PBRM1: variants seen among roughly 807,000 people sequenced by gnomAD.
PBRM1 encodes protein polybromo-1.
A neutral mutation model predicts 194.5 loss-of-function variants in PBRM1; 27 were observed. That is an observed-to-expected ratio of 0.14 (90% CI 0.10 to 0.19). The LOEUF (loss-of-function observed/expected upper bound fraction) is 0.19, where lower values mean the gene tolerates loss of function less well. Ranked by LOEUF, PBRM1 falls within the 10% of genes least tolerant of loss-of-function variation. The pLI is 1.00. For missense variants in PBRM1, 1,466 were observed against 2,077.2 expected (o/e 0.71, Z 5.72); for synonymous variants, 655 against 693.2 (o/e 0.94, Z 0.87).
At chr3:52,559,929 A>C (rs1232026980) in intron 25 of PBRM1, among the ~76,000 whole-genome samples, 2 of 142,712 alleles carry the variant, frequency 1.4e-5, no homozygotes, top group Non-Finnish European at 3.0e-5. Flanking sequence ...AAAGTGGGAA[A>C]GCAAAAAAAT....
exon 9 of PBRM1, chr3:52,643,319 G>A (rs1560695431): frequency 6.2e-7 from 1 of 1,613,770 alleles, no homozygotes; most frequent in South Asian, 1.1e-5. Flanking sequence ...CTGTCAGTCT[G>A]GCTGCAGCCA....
At chr3:52,561,880 T>G in exon 25 of PBRM1, 1 of 1,614,130 alleles carries the variant, frequency 6.2e-7, no homozygotes, top group South Asian at 1.1e-5. Context: ...AGCCCTCATC[T>G]CACTGCTGAA....
chr3:52,570,140 C>A (rs1171595778), intron 22 of PBRM1, among the ~76,000 whole-genome samples: 1 of 152,134 alleles, frequency 6.6e-6, no homozygotes, highest in African/African-American at 2.4e-5. Context: ...CCCACATCAG[C>A]TAATTTTTGT....
At chr3:52,563,999 G>T in intron 23 of PBRM1, 51 bp downstream of exon 25, 3 of 1,180,886 alleles carry the variant, frequency 2.5e-6, no homozygotes, top group Non-Finnish European at 3.7e-6. Flanking sequence ...ACACTATGTT[G>T]CTATCAGTTA....
intron 22 of PBRM1, among the ~76,000 whole-genome samples, chr3:52,575,359 A>G (rs894662255): frequency 5.3e-5 from 8 of 152,282 alleles, no homozygotes; most frequent in Middle Eastern, 6.8e-3. Flanking sequence ...TATAATACCC[A>G]AAATGAGCAC....
intron 17 of PBRM1, among the ~76,000 whole-genome samples, chr3:52,601,691 T>G (rs1240869653): frequency 3.3e-5 from 5 of 152,134 alleles, no homozygotes; most frequent in Non-Finnish European, 7.4e-5. Context: ...TGGTGTATAC[T>G]GGCACTGGTG....
intron 22 of PBRM1, among the ~76,000 whole-genome samples, chr3:52,567,892 G>A (rs1223602993): frequency 7.0e-6 from 1 of 142,344 alleles, no homozygotes; most frequent in Non-Finnish European, 1.5e-5. Context: ...CAGATGATCC[G>A]CCTCCCTCAG....
chr3:52,613,125 A>G (rs576299056), intron 15 of PBRM1, among the ~76,000 whole-genome samples: 54 of 152,118 alleles, frequency 3.5e-4, no homozygotes, highest in Admixed American at 3.1e-3. Context: ...ATTTTATTTT[A>G]TTTTTATTTG....
At chr3:52,683,387 A>G (rs184137276), upstream of PBRM1, among the ~76,000 whole-genome samples, 789 of 151,872 alleles carry the variant, frequency 5.2e-3, 5 homozygotes, top group African/African-American at 0.018. Flanking sequence ...AAAAAAAAAA[A>G]CAACATAAAG....
At chr3:52,570,257 A>G (rs2086630004) in intron 22 of PBRM1, among the ~76,000 whole-genome samples, 1 of 152,244 alleles carries the variant, frequency 6.6e-6, no homozygotes, top group Admixed American at 6.5e-5. Context: ...AATTACAGGC[A>G]TGAGCCATCG....
chr3:52,587,284 T>G, intron 19 of PBRM1, 69 bp downstream of exon 21: 1 of 1,144,706 alleles, frequency 8.7e-7, no homozygotes, highest in Non-Finnish European at 1.3e-6. Flanking sequence ...AAACATCGAT[T>G]ATTTTCTGTG....
At chr3:52,610,336 G>C (rs1488039229) in intron 15 of PBRM1, among the ~76,000 whole-genome samples, 1 of 152,186 alleles carries the variant, frequency 6.6e-6, no homozygotes, top group African/African-American at 2.4e-5. Context: ...AATCTCAATT[G>C]AAAGTATCAC....
intron 16 of PBRM1, among the ~76,000 whole-genome samples, chr3:52,606,940 C>T (rs181617218): frequency 5.9e-5 from 9 of 152,314 alleles, no homozygotes; most frequent in African/African-American, 2.2e-4. Context: ...TTACGTCTCA[C>T]TGTTCAGATT....
chr3:52,668,208 G>A (rs567080270), intron 3 of PBRM1, among the ~76,000 whole-genome samples: 272 of 152,168 alleles, frequency 1.8e-3, no homozygotes, highest in Middle Eastern at 6.8e-3. Context: ...GAGGTGGGAG[G>A]ATTGCTTGAA....
At chr3:52,680,566 A>G (rs747832523), upstream of PBRM1, among the ~76,000 whole-genome samples, 1 of 152,258 alleles carries the variant, frequency 6.6e-6, no homozygotes, top group Non-Finnish European at 1.5e-5. Context: ...TACAGATAGT[A>G]TATACCCAAG....
chr3:52,586,655 C>T (rs2153776196), exon 20 of PBRM1: 1 of 1,607,632 alleles, frequency 6.2e-7, no homozygotes, highest in Non-Finnish European at 8.5e-7. Flanking sequence ...ACATCCTCAT[C>T]TCGGAAGTTT....
intron 2 of PBRM1, among the ~76,000 whole-genome samples, chr3:52,671,939 A>G (rs2096957294): frequency 6.6e-6 from 1 of 152,144 alleles, no homozygotes; most frequent in Non-Finnish European, 1.5e-5. Flanking sequence ...AATGAATCTA[A>G]ATCTTTAGTT....
chr3:52,625,370 A>G (rs1375148281), intron 13 of PBRM1, among the ~76,000 whole-genome samples: 1 of 152,132 alleles, frequency 6.6e-6, no homozygotes, highest in Non-Finnish European at 1.5e-5. Context: ...TCCAAAGTAT[A>G]AGACTTAATC....
intron 20 of PBRM1, among the ~76,000 whole-genome samples, chr3:52,580,787 G>A (rs2090963919): frequency 6.6e-6 from 1 of 152,164 alleles, no homozygotes; most frequent in South Asian, 2.1e-4. Flanking sequence ...ATGATAGTGT[G>A]GCCACCAGAT....
Sources: allele counts gnomAD v4.1 joint callset (sites outside exome capture counted in the v4.1 genomes callset), GRCh38; gene constraint gnomAD v4.1.1; transcripts MANE v1.5; gene names NCBI Gene and HGNC (gene_info 2026-07-23, HGNC 2026-07-21).